Variants in SEC24D observed in about 807,000 individuals in gnomAD.
SEC24D encodes the protein protein transport protein Sec24D.
A neutral mutation model predicts 116.9 loss-of-function variants in SEC24D; 69 were observed. The observed-to-expected ratio is 0.59, with a 90% confidence interval of 0.49 to 0.72. The LOEUF (loss-of-function observed/expected upper bound fraction) is 0.72. SEC24D is among the 30% of genes least tolerant of loss of function. The pLI is 0.00. For missense variants in SEC24D, 1,131 were observed against 1,264.1 expected (o/e 0.89, Z 1.60); for synonymous variants, 405 against 442.8 (o/e 0.91, Z 1.07).
chr4:118,756,659 A>C (rs560872891), intron 11 of SEC24D, among the ~76,000 whole-genome samples: 1 of 152,060 alleles, frequency 6.6e-6, no homozygotes, highest in African/African-American at 2.4e-5. Flanking sequence ...TCAGGGAGAC[A>C]GGTTGGGGGT....
At position 118,723,582 on chromosome 4, in the gene SEC24D, T is replaced by TA; in HGVS notation, c.3031dup (p.Tyr1011LeufsTer22). The TA allele has an allele frequency of 1.9e-6, 3 of 1,613,974 alleles. No homozygotes were observed. The highest frequency in any genetic ancestry group is 2.5e-6 in the Non-Finnish European group (3 of 1,179,896). On this transcript the variant is annotated frameshift_variant, in exon 23 of 23. Coordinates refer to ENST00000280551, the MANE Select transcript of SEC24D (RefSeq NM_014822.4). LOFTEE classifies it high-confidence loss of function. ...GAAATCCACATAAGAAGAGCCTCCG[T>TA]AAAGTCCTTTGTCTTCTACCAGGAA...
intron 8 of SEC24D, among the ~76,000 whole-genome samples, chr4:118,773,827 A>G (rs1728018097): frequency 6.6e-6 from 1 of 152,196 alleles, no homozygotes; most frequent in Admixed American, 6.5e-5. Flanking sequence ...TGTATATGAC[A>G]TTTACCTGGC....
chr4:118,723,807 G>A, intron 22 of SEC24D, 152 bp from the exon 23 acceptor site: 1 of 852,452 alleles, frequency 1.2e-6, no homozygotes. Context: ...CTGATATCTA[G>A]AGTGGAAAGA....
rs1273283649 is a variant in SEC24D at position 118,824,765 on chromosome 4, A to G, written c.119-16T>C. 1.9e-6 allele frequency: 3 copies of G among 1,568,690 alleles called. No individual in the cohort carries two copies. Among genetic ancestry groups the G allele is most frequent in the Non-Finnish European group, 2.6e-6 (3 of 1,162,960 alleles). ...TTCATCATACCTGCAAGAGAGGGGC[A>G]TGAATTTAGAAGTGTATTAAAGTAC... is the stretch of plus-strand genomic sequence containing the variant. On this transcript the variant is annotated splice_polypyrimidine_tract_variant and intron_variant, in intron 2 of 22. Coordinates refer to ENST00000280551, the MANE Select transcript of SEC24D (RefSeq NM_014822.4).
intron 8 of SEC24D, among the ~76,000 whole-genome samples, chr4:118,789,033 C>A (rs1728778125): frequency 6.6e-6 from 1 of 152,170 alleles, no homozygotes; most frequent in Non-Finnish European, 1.5e-5. Context: ...ATGATTATTT[C>A]AAGATAACTC....
At chr4:118,800,480 G>A (rs182414253) in intron 7 of SEC24D, among the ~76,000 whole-genome samples, 73 of 152,200 alleles carry the variant, frequency 4.8e-4, no homozygotes, top group African/African-American at 1.3e-3. Flanking sequence ...CTGGAAATCC[G>A]GATTTTTATA....
chr4:118,728,002 A>T (rs1245232142), intron 22 of SEC24D, among the ~76,000 whole-genome samples: 1 of 152,210 alleles, frequency 6.6e-6, no homozygotes, highest in South Asian at 2.1e-4. Context: ...ATCATCATCT[A>T]TACATTCTAG....
intron 3 of SEC24D, among the ~76,000 whole-genome samples, chr4:118,823,659 G>T (rs1204386026): frequency 3.3e-5 from 5 of 152,360 alleles, no homozygotes; most frequent in African/African-American, 1.2e-4. Flanking sequence ...TTCTAACAGG[G>T]AAGGTGTGAT....
intron 8 of SEC24D, among the ~76,000 whole-genome samples, chr4:118,776,505 G>A (rs967030747): frequency 3.3e-5 from 5 of 152,222 alleles, no homozygotes; most frequent in Middle Eastern, 3.4e-3. Flanking sequence ...TTCTGTCCTA[G>A]TTCATAACTA....
chr4:118,815,007 G>A lies in SEC24D; in HGVS notation c.801+21C>T, dbSNP rs775118469. The A allele has an allele frequency of 7.4e-6, 12 of 1,611,500 alleles. 1 individual carries two copies. The South Asian group carries it at 1.3e-4, about 18-fold the overall frequency. Reference sequence around the variant, plus strand: ...AATGCTCCTTTGTGAGTGAGACTGTGAGAGTGAGAAGAGTACTTACTGGGC... The same window carrying A: ...AATGCTCCTTTGTGAGTGAGACTGTAAGAGTGAGAAGAGTACTTACTGGGC... On this transcript the variant is annotated intron_variant, in intron 6 of 22. Coordinates refer to ENST00000280551, the MANE Select transcript of SEC24D (RefSeq NM_014822.4).
chr4:118,794,698 G>A (rs1729099682), intron 8 of SEC24D, among the ~76,000 whole-genome samples: 1 of 152,136 alleles, frequency 6.6e-6, no homozygotes, highest in Non-Finnish European at 1.5e-5. Flanking sequence ...TGTGGGGATG[G>A]TTCTTGTAGG....
chr4:118,725,058 A>G (rs576760277), intron 22 of SEC24D, among the ~76,000 whole-genome samples: 1 of 147,110 alleles, frequency 6.8e-6, no homozygotes, highest in South Asian at 2.2e-4. Context: ...TGTCAACACC[A>G]CTTGCTTTTT....
intron 7 of SEC24D, among the ~76,000 whole-genome samples, chr4:118,801,160 G>T (rs1056400563): frequency 1.3e-5 from 2 of 152,000 alleles, no homozygotes; most frequent in Non-Finnish European, 2.9e-5. Context: ...TACTCGGGAG[G>T]CTGAGGCAGG....
At chr4:118,824,856 T>C (rs1730534024) in intron 2 of SEC24D, 107 bp from the exon 3 acceptor site, 2 of 1,004,728 alleles carry the variant, frequency 2.0e-6, no homozygotes, top group South Asian at 1.9e-5. Context: ...GGGAAACAAA[T>C]GGATTAGAAC....
intron 18 of SEC24D, 49 bp downstream of exon 18, chr4:118,739,100 T>C: frequency 6.2e-7 from 1 of 1,602,094 alleles, no homozygotes; most frequent in Non-Finnish European, 8.5e-7. Flanking sequence ...AAATCTTGAC[T>C]GAATTACTAA....
Position 118,824,766 on chromosome 4 carries a change from TGAATTTA to T in SEC24D, c.119-24_119-18del. ...TCATCATACCTGCAAGAGAGGGGCA[TGAATTTA>T]GAAGTGTATTAAAGTACAAAGAGAG... is the stretch of plus-strand genomic sequence containing the variant. On this transcript the variant is annotated intron_variant, in intron 2 of 22. Coordinates refer to ENST00000280551, the MANE Select transcript of SEC24D (RefSeq NM_014822.4). The T allele has an allele frequency of 6.4e-7, 1 of 1,568,794 alleles. No individual in the cohort carries two copies. Among genetic ancestry groups the T allele is most frequent in the Non-Finnish European group, 8.6e-7 (1 of 1,163,000 alleles).
chr4:118,810,074 CTGTGTGTGTGTGTGTGTGTGTGTG>C (rs71595321), intron 6 of SEC24D, among the ~76,000 whole-genome samples: 8 of 38,594 alleles, frequency 2.1e-4, no homozygotes, highest in Admixed American at 1.5e-3. Context: ...TCAGAGGTAG[CTGTGTGTGTGTGTGTGTGTGTGTG>C]TGTGTGTGTG....
intron 15 of SEC24D, among the ~76,000 whole-genome samples, chr4:118,742,030 G>A (rs1457087046): frequency 1.3e-5 from 2 of 152,166 alleles, no homozygotes; most frequent in Middle Eastern, 3.4e-3. Context: ...ACATCTTACT[G>A]GCTTTTCCTC....
At chr4:118,769,011 A>C (rs1275591548) in intron 8 of SEC24D, among the ~76,000 whole-genome samples, 1 of 152,202 alleles carries the variant, frequency 6.6e-6, no homozygotes, top group African/African-American at 2.4e-5. Context: ...AAATAAAGAG[A>C]GTTGGGCCTG....
Sources: allele counts gnomAD v4.1 joint callset (sites outside exome capture counted in the v4.1 genomes callset), GRCh38; gene constraint gnomAD v4.1.1; transcripts MANE v1.5; gene names NCBI Gene and HGNC (gene_info 2026-07-23, HGNC 2026-07-21).